PDZD2: variants seen among roughly 807,000 people sequenced by gnomAD.
PDZD2 encodes the protein PDZ domain containing 2.
In PDZD2, 90 loss-of-function variants were observed where a neutral mutation model predicts 220.7. That is an observed-to-expected ratio of 0.41 (90% CI 0.34 to 0.49). The LOEUF is 0.49. Among genes scored for constraint, PDZD2 ranks in the 20% least tolerant of loss-of-function variants. The pLI is 0.28. For synonymous variants in PDZD2, 1,375 were observed against 1,450.5 expected, an observed-to-expected ratio of 0.95 and a Z score of 1.18; for missense variants, 3,174 against 3,608.5, an observed-to-expected ratio of 0.88 and a Z score of 3.08.
chr5:32,062,596 G>T (rs569468795), intron 14 of PDZD2, among the ~76,000 whole-genome samples: 1 of 152,188 alleles, frequency 6.6e-6, no homozygotes, highest in East Asian at 1.9e-4. Context: ...GTTTCACCAT[G>T]TTGCCCAGGC....
intron 2 of PDZD2, among the ~76,000 whole-genome samples, chr5:31,929,202 G>T (rs1745040336): frequency 6.6e-6 from 1 of 152,174 alleles, no homozygotes; most frequent in Admixed American, 6.5e-5. Context: ...GTCTGCTGTT[G>T]ATTTTGTCCA....
intron 1 of PDZD2, among the ~76,000 whole-genome samples, chr5:31,659,000 C>T (rs943743898): frequency 2.6e-5 from 4 of 152,100 alleles, no homozygotes; most frequent in Non-Finnish European, 5.9e-5. Flanking sequence ...CTTGAAATGC[C>T]CTCGCCGTGT....
intron 2 of PDZD2, among the ~76,000 whole-genome samples, chr5:31,927,717 C>G (rs532708961): frequency 6.6e-6 from 1 of 152,078 alleles, no homozygotes; most frequent in Non-Finnish European, 1.5e-5. Flanking sequence ...TCTCCTTGCC[C>G]GAAGTGACTG....
At chr5:31,687,076 A>T (rs552578275) in intron 1 of PDZD2, among the ~76,000 whole-genome samples, 1 of 144,802 alleles carries the variant, frequency 6.9e-6, no homozygotes, top group Non-Finnish European at 1.5e-5. Context: ...AAAGAGGCAA[A>T]ATGATACACT....
At chr5:32,021,341 T>C (rs1384502145) in intron 6 of PDZD2, among the ~76,000 whole-genome samples, 4 of 152,068 alleles carry the variant, frequency 2.6e-5, no homozygotes. Flanking sequence ...CTCGGCTCAC[T>C]GCAACCTCTG....
intron 2 of PDZD2, among the ~76,000 whole-genome samples, chr5:31,867,662 C>T (rs1043286142): frequency 1.6e-4 from 25 of 152,142 alleles, no homozygotes; most frequent in Non-Finnish European, 3.4e-4. Context: ...TTCAGATGGA[C>T]AAGAAAAAGC....
chr5:32,093,247 G>T (rs1743343751), intron 21 of PDZD2, among the ~76,000 whole-genome samples: 1 of 152,188 alleles, frequency 6.6e-6, no homozygotes, highest in Admixed American at 6.5e-5. Flanking sequence ...CCAGATGGGT[G>T]TCACTGCTGT....
chr5:31,805,907 G>T (rs1489999699), intron 2 of PDZD2, among the ~76,000 whole-genome samples: 1 of 152,156 alleles, frequency 6.6e-6, no homozygotes, highest in Non-Finnish European at 1.5e-5. Context: ...GCTGCTGAAA[G>T]CCAAGGAACG....
chr5:31,976,716 T>TC (rs1749806592), intron 2 of PDZD2, among the ~76,000 whole-genome samples: 4 of 1,242 alleles, frequency 3.2e-3, no homozygotes, highest in African/African-American at 9.7e-3. Flanking sequence ...TCTTCTTTCT[T>TC]TTTTTTTTTT....
intron 1 of PDZD2, among the ~76,000 whole-genome samples, chr5:31,734,071 TG>T (rs1187569085): frequency 6.6e-6 from 1 of 152,160 alleles, no homozygotes; most frequent in African/African-American, 2.4e-5. Flanking sequence ...ACCCCCTTCT[TG>T]GGTTCCATAA....
chr5:31,962,572 C>T (rs1286038951), intron 2 of PDZD2, among the ~76,000 whole-genome samples: 1 of 152,248 alleles, frequency 6.6e-6, no homozygotes, highest in African/African-American at 2.4e-5. Flanking sequence ...CCCCTGGAAC[C>T]TATTTTGAGC....
At chr5:31,702,834 G>C (rs975848793) in intron 1 of PDZD2, among the ~76,000 whole-genome samples, 2 of 152,206 alleles carry the variant, frequency 1.3e-5, no homozygotes, top group African/African-American at 4.8e-5. Context: ...ACAGTCCTTT[G>C]AAACAAGAGA....
chr5:31,660,890 T>C (rs1745736208), intron 1 of PDZD2, among the ~76,000 whole-genome samples: 1 of 152,122 alleles, frequency 6.6e-6, no homozygotes, highest in Non-Finnish European at 1.5e-5. Context: ...CTATGCCCAG[T>C]GAATTTTTTG....
intron 2 of PDZD2, among the ~76,000 whole-genome samples, chr5:31,921,636 A>G (rs763939923): frequency 6.2e-4 from 95 of 152,080 alleles, no homozygotes; most frequent in Admixed American, 9.8e-4. Context: ...GTTGCAGTGA[A>G]CCAAGATTGT....
chr5:31,862,101 G>GTTTTTTT (rs11417935), intron 2 of PDZD2, among the ~76,000 whole-genome samples: 9 of 78,492 alleles, frequency 1.1e-4, no homozygotes, highest in East Asian at 7.7e-4. Context: ...TTTTTTTTGG[G>GTTTTTTT]TTTTTTTTTT....
intron 3 of PDZD2, 119 bp from the exon 4 acceptor site, chr5:31,995,447 TCCTGTGATAA>T (rs1224539296): frequency 2.8e-5 from 27 of 954,340 alleles, no homozygotes; most frequent in Middle Eastern, 6.4e-4. Flanking sequence ...AATTCTTTTC[TCCTGTGATAA>T]TCTGTGATAT....
In PDZD2 at chr5:32,091,064, C is replaced by T. The variant is rs779115549; in HGVS notation, c.7616C>T (p.Ala2539Val). ...VSCPEKGGNRACPGGSGPKTS... is the reference protein window; with the variant it reads ...VSCPEKGGNRVCPGGSGPKTS... ...TGTCCCGAGAAGGGCGGGAACAGGG[C>T]CTGTCCAGGAGGAAGTGGCCCTAAA... Residue 2539 changes from alanine (A) to valine (V), a missense_variant, in exon 20 of 25, where the codon GCC (alanine) becomes GTC (valine). Physicochemically the swap from Ala to Val is moderately conservative, Grantham distance 64. Coordinates refer to ENST00000438447, the MANE Select transcript of PDZD2 (RefSeq NM_178140.4). 2.5e-6 allele frequency: 4 copies of T among 1,613,440 alleles called. No individual in the cohort carries two copies. The Admixed American group carries it at 6.7e-5, about 27-fold the overall frequency.
At chr5:31,999,280 G>GTTTT (rs60415381) in intron 4 of PDZD2, among the ~76,000 whole-genome samples, 1 of 127,694 alleles carries the variant, frequency 7.8e-6, no homozygotes, top group African/African-American at 2.9e-5. Flanking sequence ...GGCGGGATTT[G>GTTTT]TTTTTTTTTT....
At chr5:31,662,618 G>T (rs1396887010) in intron 1 of PDZD2, among the ~76,000 whole-genome samples, 1 of 152,186 alleles carries the variant, frequency 6.6e-6, no homozygotes, top group Non-Finnish European at 1.5e-5. Context: ...AAGAGGCAAG[G>T]CAGCTCTCTT....
Sources: allele counts gnomAD v4.1 joint callset (sites outside exome capture counted in the v4.1 genomes callset), GRCh38; gene constraint gnomAD v4.1.1; transcripts MANE v1.5; gene names NCBI Gene and HGNC (gene_info 2026-07-23, HGNC 2026-07-21).